The following ZFY variants were observed in gnomAD, a reference collection of about 807,000 sequenced individuals.
The protein encoded by ZFY is zinc finger protein Y-linked.
For synonymous variants in ZFY, 47 were observed against 55.8 expected (o/e 0.84, Z 0.71); for missense variants, 113 against 170.9 (o/e 0.66, Z 1.89).
At chrY:2,967,037 T>C in intron 3 of ZFY, 2 of 33,243 alleles carry the variant, frequency 6.0e-5, no homozygotes, top group Non-Finnish European at 1.5e-4. Context: ...CAAAACAGTT[T>C]ATATATTGTA....
At chrY:2,939,031 AACTC>A (rs2051232359) in intron 1 of ZFY, among the ~76,000 whole-genome samples, 1 of 18,921 alleles carries the variant, frequency 5.3e-5, no homozygotes, top group African/African-American at 2.0e-4. Flanking sequence ...ATAAATAAAT[AACTC>A]TGTTTACATT....
At position 2,961,571 on chromosome Y, in the gene ZFY, A is replaced by G. The variant is rs1346941068; in HGVS notation, c.559A>G (p.Ile187Val). 2 of 399,200 alleles carry G rather than the reference A, an allele frequency of 5.0e-6. No homozygotes were observed. Among genetic ancestry groups the G allele is most frequent in the Admixed American group, 1.5e-4 (2 of 13,551 alleles). ...AGCAGACTGTGCCCCTGAAGCAGTC[A>G]TAGATGCCAGCGGGATCTCAGTGGA... ...LVADCAPEAV[I>V]DASGISVDQQ... Residue 187 changes from isoleucine (I) to valine (V), a missense_variant, in exon 3 of 8, where the codon ATA becomes GTA. Transcript: ENST00000155093.
intron 1 of ZFY, among the ~76,000 whole-genome samples, chrY:2,939,350 C>G (rs2051233753): frequency 3.1e-5 from 1 of 32,198 alleles, no homozygotes; most frequent in Non-Finnish European, 7.5e-5. Context: ...GCTCGTTTTA[C>G]AAAAACCTTA....
chrY:2,969,151 C>G lies in ZFY; in HGVS notation c.635-5944C>G, dbSNP rs571461370. Reference sequence around the variant, plus strand: ...CATGTATGTCTTTGGTGAACAGATTCAGTGAAATCATGGACAAAAGCTTGA... The same window carrying G: ...CATGTATGTCTTTGGTGAACAGATTGAGTGAAATCATGGACAAAAGCTTGA... On this transcript the variant is annotated intron_variant, in intron 3 of 7. Transcript: ENST00000155093. Among the ~76,000 whole-genome samples, 22 of 33,739 alleles carry G rather than the reference C, an allele frequency of 6.5e-4. No individual in the cohort carries two copies. In the South Asian group the frequency reaches 0.014, roughly 22 times the overall value. The allele number at this position is 33,739 out of a possible 37,273, so 90.5% of individuals were successfully genotyped here. A position where few individuals can be genotyped will look rare whatever the true frequency, so the allele number is the denominator to read the frequency against.
Position 2,979,560 on chromosome Y carries a change from A to T in ZFY, c.1973A>T (p.His658Leu). The T allele has an allele frequency of 2.5e-6, 1 of 399,017 alleles. No homozygotes were observed. Among genetic ancestry groups the T allele is most frequent in the Non-Finnish European group, 3.5e-6 (1 of 283,539 alleles). ...TCAGTTCATACGAAAGACTATCCTC[A>T]TAAGTGTGAGATGTGCGAGAAAGGC... Reference protein sequence around the residue: ...VISVHTKDYPHKCEMCEKGFH... With the variant: ...VISVHTKDYPLKCEMCEKGFH... Residue 658 changes from histidine to leucine, a missense_variant, in exon 8 of 8, where the codon CAT (histidine) becomes CTT (leucine). His to Leu is a moderately conservative substitution (Grantham distance 99). Coordinates refer to ENST00000155093, the MANE Select transcript of ZFY (RefSeq NM_003411.4).
chrY:2,950,627 G>A, intron 1 of ZFY, among the ~76,000 whole-genome samples: 1 of 33,765 alleles, frequency 3.0e-5, no homozygotes, highest in Non-Finnish European at 7.3e-5. Flanking sequence ...AACCTCTTGT[G>A]CCTCTGTCAG....
intron 3 of ZFY, among the ~76,000 whole-genome samples, chrY:2,962,858 A>G: frequency 6.0e-5 from 2 of 33,181 alleles, no homozygotes; most frequent in Non-Finnish European, 1.5e-4. Flanking sequence ...AGGGGGAGTA[A>G]GGTGGTGTTT....
Position 2,980,033 on chromosome Y carries a change from C to A in ZFY, c.*40C>A, listed in dbSNP as rs1449589269. On this transcript the variant is annotated 3_prime_UTR_variant, in exon 8 of 8. Coordinates refer to ENST00000155093, the MANE Select transcript of ZFY (RefSeq NM_003411.4). ...GCTTGTAAAGATGTTGGCCTTGAAG[C>A]AGAAAATTCATTTTTTAAAGCCAGT... is the stretch of plus-strand genomic sequence containing the variant. 2.6e-6 allele frequency: 1 copy of A among 378,906 alleles called. No individual in the cohort carries two copies. Among genetic ancestry groups the A allele is most frequent in the South Asian group, 3.0e-5 (1 of 33,068 alleles). The allele number at this position is 378,906 out of a possible 400,897, so 94.5% of individuals were successfully genotyped here.
At chrY:2,970,946 T>C in intron 3 of ZFY, among the ~76,000 whole-genome samples, 1 of 33,895 alleles carries the variant, frequency 3.0e-5, no homozygotes, top group South Asian at 6.5e-4. Context: ...GGCTTCCAAA[T>C]TGGTGTTGAT....
At chrY:2,945,465 C>A (rs2051259614) in intron 1 of ZFY, among the ~76,000 whole-genome samples, 1 of 30,395 alleles carries the variant, frequency 3.3e-5, no homozygotes, top group Non-Finnish European at 7.9e-5. Context: ...AAAGCTGCTC[C>A]CCTCCCCTCC....
At chrY:2,965,834 GC>G in intron 3 of ZFY, among the ~76,000 whole-genome samples, 1 of 33,752 alleles carries the variant, frequency 3.0e-5, no homozygotes, top group South Asian at 6.5e-4. Context: ...ATTTCAACAT[GC>G]ATGTGGAGCC....
intron 1 of ZFY, among the ~76,000 whole-genome samples, chrY:2,937,488 C>CAAAAAAAAAAAAAA (rs780590951): frequency 1.9e-4 from 1 of 5,352 alleles, no homozygotes; most frequent in African/African-American, 7.6e-4. Context: ...GAGTCTGTCT[C>CAAAAAAAAAAAAAA]AAAAAAAAAA....
At chrY:2,946,623 T>C (rs1603310909) in intron 1 of ZFY, among the ~76,000 whole-genome samples, 14 of 32,014 alleles carry the variant, frequency 4.4e-4, no homozygotes, top group South Asian at 6.9e-4. Context: ...ATTTGCTTTA[T>C]CTTGAAAAGA....
intron 1 of ZFY, among the ~76,000 whole-genome samples, chrY:2,943,891 G>A: frequency 3.0e-5 from 1 of 33,430 alleles, no homozygotes; most frequent in African/African-American, 1.2e-4. Flanking sequence ...TGACTCTATT[G>A]TTAGAAAGAT....
intron 1 of ZFY, among the ~76,000 whole-genome samples, chrY:2,950,040 T>A: frequency 3.1e-5 from 1 of 31,845 alleles, no homozygotes. Context: ...CCACCACATC[T>A]GGCTAATTTT....
chrY:2,966,951 A>G, intron 3 of ZFY: 1 of 31,766 alleles, frequency 3.1e-5, no homozygotes, highest in Non-Finnish European at 7.7e-5. Flanking sequence ...TGGAAAAGTT[A>G]AATTTACATA....
At chrY:2,962,022 T>C (rs1603311493) in intron 3 of ZFY, among the ~76,000 whole-genome samples, 1 of 33,103 alleles carries the variant, frequency 3.0e-5, no homozygotes, top group African/African-American at 1.2e-4. Flanking sequence ...CCCCTTTTTT[T>C]CTACCTTATT....
intron 6 of ZFY, 109 bp from the exon 7 acceptor site, chrY:2,977,831 G>A: frequency 9.1e-6 from 1 of 109,697 alleles, no homozygotes; most frequent in Non-Finnish European, 1.5e-5. Context: ...ATAAAGTAAG[G>A]ACTTTCTGTC....
intron 1 of ZFY, among the ~76,000 whole-genome samples, chrY:2,938,983 T>TATATA: frequency 1.9e-4 from 1 of 5,227 alleles, no homozygotes; most frequent in South Asian, 4.6e-3. Flanking sequence ...CATACAGTGC[T>TATATA]TATATATATA....
Sources: gnomAD v4.1 joint callset for allele counts (sites outside exome capture counted in the v4.1 genomes callset) on GRCh38, gnomAD v4.1.1 for gene constraint, MANE v1.5 for transcripts, NCBI Gene and HGNC (gene_info 2026-07-23, HGNC 2026-07-21) for gene names.